The following TFDP2 variants were observed in gnomAD, a reference collection of about 807,000 sequenced individuals.
TFDP2 encodes transcription factor Dp-2.
A neutral mutation model predicts 59.3 loss-of-function variants in TFDP2; 17 were observed. That is an observed-to-expected ratio of 0.29 (90% CI 0.20 to 0.43). TFDP2 has a LOEUF of 0.43. Among genes scored for constraint, TFDP2 ranks in the 20% least tolerant of loss-of-function variants. The pLI is 1.00. For synonymous variants in TFDP2, 180 were observed against 194.7 expected, an observed-to-expected ratio of 0.92 and a Z score of 0.63; for missense variants, 391 against 528.8, an observed-to-expected ratio of 0.74 and a Z score of 2.56.
intron 7 of TFDP2, 77 bp downstream of exon 7, chr3:141,978,443 C>T (rs1268865086): frequency 7.0e-7 from 1 of 1,428,818 alleles, no homozygotes; most frequent in African/African-American, 1.5e-5. Flanking sequence ...GTCGTGATTC[C>T]TCAAATCTAT....
intron 6 of TFDP2, among the ~76,000 whole-genome samples, chr3:141,980,301 T>C (rs1162950771): frequency 1.3e-5 from 2 of 150,408 alleles, no homozygotes; most frequent in Non-Finnish European, 3.0e-5. Context: ...GGAATAAGGA[T>C]ATAAAGAAAA....
intron 3 of TFDP2, among the ~76,000 whole-genome samples, chr3:142,007,501 G>A (rs950139875): frequency 2.0e-5 from 3 of 152,176 alleles, no homozygotes; most frequent in South Asian, 2.1e-4. Context: ...AACTGGTTTC[G>A]TGGAAGACAG....
intron 3 of TFDP2, chr3:142,043,781 G>A (rs1008652633): frequency 1.3e-6 from 2 of 1,596,402 alleles, no homozygotes; most frequent in African/African-American, 1.3e-5. Flanking sequence ...TCTGCCTTCA[G>A]CTTGTGGATG....
chr3:142,020,530 G>A (rs955554912), intron 3 of TFDP2, among the ~76,000 whole-genome samples: 9 of 151,158 alleles, frequency 6.0e-5, no homozygotes, highest in African/African-American at 1.5e-4. Context: ...GCAAGACTCC[G>A]TCTCGGGGGG....
At position 141,968,382 on chromosome 3, in the gene TFDP2, T is replaced by TCATATATATAATATATATATCATATATAA. The variant is rs1938550359; in HGVS notation, c.732+1690_732+1691insTTATATATGATATATATATTATATATATG. Among the ~76,000 whole-genome samples the TCATATATATAATATATATATCATATATAA allele has an allele frequency of 9.0e-5, 8 of 89,036 alleles. 1 individual carries two copies. The highest frequency in any genetic ancestry group is 5.4e-4 in the Admixed American group (4 of 7,418). The allele number at this position is 89,036 out of a possible 152,430, so 58.4% of individuals were successfully genotyped here. A position where few individuals can be genotyped will look rare whatever the true frequency, so the allele number is the denominator to read the frequency against. ...ATATATCTCATATATAACATATATCTCATATATATAACATATATATCATAT... is the reference window on the plus strand; with the variant it reads ...ATATATCTCATATATAACATATATCTCATATATATAATATATATATCATATATAACATATATATAACATATATATCATAT... On this transcript the variant is annotated intron_variant, in intron 9 of 12. Coordinates refer to ENST00000489671, the MANE Select transcript of TFDP2 (RefSeq NM_001178139.2).
intron 3 of TFDP2, among the ~76,000 whole-genome samples, chr3:142,021,945 A>G (rs930885126): frequency 6.6e-6 from 1 of 152,146 alleles, no homozygotes; most frequent in Non-Finnish European, 1.5e-5. Context: ...TGGCTTCTTT[A>G]TCTTTAGTTA....
At chr3:142,046,186 A>C (rs1244299999) in intron 3 of TFDP2, among the ~76,000 whole-genome samples, 1 of 152,192 alleles carries the variant, frequency 6.6e-6, no homozygotes, top group Non-Finnish European at 1.5e-5. Flanking sequence ...TTCCATGTGC[A>C]CGTGATTGGC....
chr3:142,024,553 A>G (rs7619506), intron 3 of TFDP2, among the ~76,000 whole-genome samples: 133,674 of 152,076 alleles, frequency 0.88, 59,004 homozygotes, highest in African/African-American at 0.97. Context: ...ATATGTATAT[A>G]TAAGGCAGAA....
At chr3:142,074,355 G>A (rs374862536) in intron 3 of TFDP2, among the ~76,000 whole-genome samples, 3 of 151,666 alleles carry the variant, frequency 2.0e-5, no homozygotes, top group South Asian at 4.2e-4. Flanking sequence ...GTTGAAGTGA[G>A]TTGAGATTAT....
chr3:142,001,193 A>C (rs1380757568), intron 4 of TFDP2, among the ~76,000 whole-genome samples: 2 of 152,188 alleles, frequency 1.3e-5, no homozygotes, highest in African/African-American at 4.8e-5. Context: ...GGTGGAAGTT[A>C]TCATACCCCG....
intron 7 of TFDP2, among the ~76,000 whole-genome samples, chr3:141,977,093 T>TAGATAGATAGATAGATAGATAG (rs1553763132): frequency 9.0e-5 from 9 of 99,744 alleles, no homozygotes; most frequent in Non-Finnish European, 1.4e-4. Flanking sequence ...CATAGCCATA[T>TAGATAGATAGATAGATAGATAG]ATATATATAT....
chr3:141,988,608 T>C (rs1196263147), intron 6 of TFDP2, among the ~76,000 whole-genome samples: 1 of 151,812 alleles, frequency 6.6e-6, no homozygotes, highest in Non-Finnish European at 1.5e-5. Context: ...TTCATTAAAA[T>C]AAAAATTCTG....
Position 142,082,808 on chromosome 3 carries a change from TA to T in TFDP2, c.82+10252del, listed in dbSNP as rs755338274. Among the ~76,000 whole-genome samples, 19 of 152,276 alleles carry T rather than the reference TA, an allele frequency of 1.2e-4. No individual in the cohort carries two copies. The South Asian group carries it at 2.1e-3, about 17-fold the overall frequency. ...CAACTGATGCTGAAAAAGCATTTGA[TA>T]AAATTCAACATCGCTTCATGATACA... On this transcript the variant is annotated intron_variant, in intron 3 of 12. Coordinates refer to ENST00000489671, the MANE Select transcript of TFDP2 (RefSeq NM_001178139.2).
chr3:141,982,912 C>T (rs1941642295), intron 6 of TFDP2, among the ~76,000 whole-genome samples: 1 of 152,136 alleles, frequency 6.6e-6, no homozygotes, highest in African/African-American at 2.4e-5. Flanking sequence ...GCAGTTTACT[C>T]GATTTAACTC....
At chr3:142,134,303 C>G (rs539740020) in intron 1 of TFDP2, among the ~76,000 whole-genome samples, 1 of 150,470 alleles carries the variant, frequency 6.6e-6, no homozygotes. Flanking sequence ...GGGCCGAGAC[C>G]GTGCCACTGC....
At chr3:141,965,352 C>T (rs1026564341) in intron 9 of TFDP2, among the ~76,000 whole-genome samples, 2 of 151,518 alleles carry the variant, frequency 1.3e-5, no homozygotes, top group African/African-American at 4.9e-5. Flanking sequence ...CTATTATTGG[C>T]CAGGCATGGT....
intron 3 of TFDP2, chr3:142,043,780 A>G: frequency 1.9e-6 from 3 of 1,596,776 alleles, no homozygotes; most frequent in Non-Finnish European, 2.6e-6. Flanking sequence ...GTCTGCCTTC[A>G]GCTTGTGGAT....
intron 1 of TFDP2, among the ~76,000 whole-genome samples, chr3:142,129,958 T>C (rs575407997): frequency 6.6e-6 from 1 of 152,184 alleles, no homozygotes; most frequent in East Asian, 1.9e-4. Flanking sequence ...AGCAAGGGTG[T>C]AGTGAAATTA....
intron 1 of TFDP2, among the ~76,000 whole-genome samples, chr3:142,105,415 T>C (rs1189991430): frequency 6.6e-6 from 1 of 152,086 alleles, no homozygotes; most frequent in African/African-American, 2.4e-5. Context: ...TAAGCAGACA[T>C]TGTTGGTGTG....
Sources: gnomAD v4.1 joint callset for allele counts (sites outside exome capture counted in the v4.1 genomes callset) on GRCh38, gnomAD v4.1.1 for gene constraint, MANE v1.5 for transcripts, NCBI Gene and HGNC (gene_info 2026-07-23, HGNC 2026-07-21) for gene names.